SV2B: variants seen among roughly 807,000 people sequenced by gnomAD.
SV2B encodes the protein solute carrier family 22 member B2.
In SV2B, 41 loss-of-function variants were observed where a neutral mutation model predicts 73.9. The ratio of observed to expected loss-of-function variants is 0.56; its 90% CI spans 0.43 to 0.72. The LOEUF (loss-of-function observed/expected upper bound fraction) is 0.72, where lower values mean the gene tolerates loss of function less well. SV2B is among the 30% of genes least tolerant of loss of function. The probability of loss-of-function intolerance (pLI) is 0.00; values close to 1 mark genes in which losing one functional copy is unlikely to be tolerated. For synonymous variants in SV2B, 314 were observed against 314.2 expected (o/e 1.00, Z 0.01); for missense variants, 764 against 857.8 (o/e 0.89, Z 1.37).
chr15:91,145,035 C>T (rs1489016954), intron 1 of SV2B, among the ~76,000 whole-genome samples: 2 of 151,834 alleles, frequency 1.3e-5, no homozygotes, highest in Non-Finnish European at 2.9e-5. Context: ...GTCTGTTATA[C>T]AGGTAAACTT....
intron 1 of SV2B, among the ~76,000 whole-genome samples, chr15:91,169,319 C>A (rs2044034141): frequency 6.6e-6 from 1 of 152,164 alleles, no homozygotes. Flanking sequence ...TGGGCTAGGT[C>A]TATTTCACTC....
rs576383449 is a variant in SV2B at position 91,268,181 on chromosome 15, C to T, written c.1209-260C>T. Among the ~76,000 whole-genome samples the T allele has an allele frequency of 2.6e-5, 4 of 152,172 alleles. No homozygotes were observed. Among genetic ancestry groups the T allele is most frequent in the Non-Finnish European group, 5.9e-5 (4 of 68,036 alleles). On this transcript the variant is annotated intron_variant, in intron 8 of 12. Transcript: ENST00000394232. The surrounding 1 kb of genome is among the most constrained non-coding windows in gnomAD (Gnocchi z 4.4). ...TATATTTTACATGTTAAGGAGGTGTCCCTCAACCCCTAATCTATTGGTGTT... is the reference window on the plus strand; with the variant it reads ...TATATTTTACATGTTAAGGAGGTGTTCCTCAACCCCTAATCTATTGGTGTT...
chr15:91,218,066 G>A (rs1019262482), intron 1 of SV2B, among the ~76,000 whole-genome samples: 7 of 152,170 alleles, frequency 4.6e-5, no homozygotes, highest in Non-Finnish European at 1.0e-4. Context: ...TATAATGAAA[G>A]ACAGATTAAC....
chr15:91,134,004 C>CTTTTTTTTTTTTTTTTT lies in SV2B; in HGVS notation c.-392+33653_-392+33654insTTTTTTTTTTTTTTTTT, dbSNP rs10637206. Among the ~76,000 whole-genome samples, 236 of 106,180 alleles carry CTTTTTTTTTTTTTTTTT rather than the reference C, an allele frequency of 2.2e-3. 35 individuals carry two copies. Among genetic ancestry groups the CTTTTTTTTTTTTTTTTT allele is most frequent in the African/African-American group, 8.3e-3 (208 of 25,104 alleles). The allele number at this position is 106,180 out of a possible 152,430, so 69.7% of individuals were successfully genotyped here. A position where few individuals can be genotyped will look rare whatever the true frequency, so the allele number is the denominator to read the frequency against. On this transcript the variant is annotated intron_variant, in intron 1 of 12. Transcript: ENST00000394232. ...TGCCTCTTCACCACTTTCTTTCTTC[C>CTTTTTTTTTTTTTTTTT]TTTTTTTTTTTTGAGATGGAGTCTT... is the stretch of plus-strand genomic sequence containing the variant.
chr15:91,278,426 C>A (rs1297669374), intron 9 of SV2B, among the ~76,000 whole-genome samples: 1 of 151,912 alleles, frequency 6.6e-6, no homozygotes, highest in East Asian at 1.9e-4. Flanking sequence ...GCCTGTAATC[C>A]CAGCACTTTG....
chr15:91,194,927 T>C (rs1170990858), intron 1 of SV2B, among the ~76,000 whole-genome samples: 1 of 152,186 alleles, frequency 6.6e-6, no homozygotes, highest in Non-Finnish European at 1.5e-5. Flanking sequence ...ACATAGTTTG[T>C]CACGTCCTCA....
chr15:91,289,640 C>G lies in SV2B; in HGVS notation c.1828C>G (p.Leu610Val), dbSNP rs372956093. 3 of 1,614,044 alleles carry G rather than the reference C, an allele frequency of 1.9e-6. No homozygotes were observed. Among genetic ancestry groups the G allele is most frequent in the Non-Finnish European group, 2.5e-6 (3 of 1,180,044 alleles). ...CGTSIAAWNALDVITVELYPT... is the reference protein window; with the variant it reads ...CGTSIAAWNAVDVITVELYPT... ...GACAAGCATTGCAGCCTGGAATGCTCTGGATGTGATCACAGTGGAGCTGTA... is the reference window on the plus strand; with the variant it reads ...GACAAGCATTGCAGCCTGGAATGCTGTGGATGTGATCACAGTGGAGCTGTA... Residue 610 changes from leucine (L) to valine (V), a missense_variant, in exon 12 of 13, where the codon CTG (leucine) becomes GTG (valine). Leu to Val is a conservative substitution (Grantham distance 32). Coordinates refer to ENST00000394232, the MANE Select transcript of SV2B (RefSeq NM_001323032.3). The surrounding 1 kb of genome is among the most constrained non-coding windows in gnomAD (Gnocchi z 4.9).
chr15:91,132,158 T>G lies in SV2B; in HGVS notation c.-392+31795T>G, dbSNP rs1000587132. On this transcript the variant is annotated intron_variant, in intron 1 of 12. Coordinates refer to ENST00000394232, the MANE Select transcript of SV2B (RefSeq NM_001323032.3). This position sits in a 1 kb window ranked among gnomAD's most constrained non-coding sequence, Gnocchi z 4.6. ...TATCGAAAATGAAAGTACACTCCAG[T>G]GTGGCCGCAGACCCCAGCAGCGGCT... Among the ~76,000 whole-genome samples, 2 of 152,170 alleles carry G rather than the reference T, an allele frequency of 1.3e-5. No homozygotes were observed. Among genetic ancestry groups the G allele is most frequent in the African/African-American group, 4.8e-5 (2 of 41,456 alleles).
At chr15:91,111,058 C>T (rs951452477) in intron 1 of SV2B, among the ~76,000 whole-genome samples, 4 of 151,766 alleles carry the variant, frequency 2.6e-5, no homozygotes, top group Non-Finnish European at 5.9e-5. Context: ...TTTTTGGTGG[C>T]GCCGCCCACG....
rs2049089258 is a variant in SV2B, at chr15:91,292,723, C to G, written c.*171C>G. The G allele has an allele frequency of 1.3e-6, 1 of 777,904 alleles. No homozygotes were observed. Among genetic ancestry groups the G allele is most frequent in the Non-Finnish European group, 1.9e-6 (1 of 522,890 alleles). The allele number at this position is 777,904 out of a possible 1,614,324, so 48.2% of individuals were successfully genotyped here. A position where few individuals can be genotyped will look rare whatever the true frequency, so the allele number is the denominator to read the frequency against. ...TTCAGCTGTCAATATGTTTGTAACT[C>G]AGGTGACTGATTTGGGGGTGCCCTG... On this transcript the variant is annotated 3_prime_UTR_variant, in exon 13 of 13. Coordinates refer to ENST00000394232, the MANE Select transcript of SV2B (RefSeq NM_001323032.3).
At chr15:91,279,788 C>T (rs924065917) in intron 9 of SV2B, among the ~76,000 whole-genome samples, 1 of 152,180 alleles carries the variant, frequency 6.6e-6, no homozygotes, top group African/African-American at 2.4e-5. Flanking sequence ...GCAACAGTCT[C>T]CAGGAATAGC....
intron 1 of SV2B, among the ~76,000 whole-genome samples, chr15:91,144,435 T>C (rs1396676298): frequency 1.3e-5 from 2 of 152,148 alleles, no homozygotes. Flanking sequence ...AAAAAAGCAT[T>C]TGCTTATTCT....
chr15:91,280,048 G>A lies in SV2B; in HGVS notation c.1374-1680G>A, dbSNP rs1309211345. Among the ~76,000 whole-genome samples, 1 of 152,186 alleles carries A rather than the reference G, an allele frequency of 6.6e-6. No homozygotes were observed. Among genetic ancestry groups the A allele is most frequent in the East Asian group, 1.9e-4 (1 of 5,196 alleles). Reference sequence around the variant, plus strand: ...CTGGTCTCTGCCATTGGTGATTCTGGTTCAAGAGGTGTAGGCTGGAATTTA... The same window carrying A: ...CTGGTCTCTGCCATTGGTGATTCTGATTCAAGAGGTGTAGGCTGGAATTTA... On this transcript the variant is annotated intron_variant, in intron 9 of 12. Coordinates refer to ENST00000394232, the MANE Select transcript of SV2B (RefSeq NM_001323032.3). This position sits in a 1 kb window ranked among gnomAD's most constrained non-coding sequence, Gnocchi z 5.8.
chr15:91,121,485 A>G lies in SV2B; in HGVS notation c.-392+21122A>G, dbSNP rs549554299. On this transcript the variant is annotated intron_variant, in intron 1 of 12. Coordinates refer to ENST00000394232, the MANE Select transcript of SV2B (RefSeq NM_001323032.3). The surrounding 1 kb of genome is among the most constrained non-coding windows in gnomAD (Gnocchi z 4.4). ...CTTTATTTTCCCATAATTCTTGGGT[A>G]GAATCTTGCTTCTTTTTCTTTCATG... is the stretch of plus-strand genomic sequence containing the variant. Among the ~76,000 whole-genome samples the G allele has an allele frequency of 6.6e-6, 1 of 152,288 alleles. No homozygotes were observed. Among genetic ancestry groups the G allele is most frequent in the East Asian group, 1.9e-4 (1 of 5,186 alleles).
intron 1 of SV2B, among the ~76,000 whole-genome samples, chr15:91,151,962 A>T (rs2043325204): frequency 6.6e-6 from 1 of 152,168 alleles, no homozygotes; most frequent in Non-Finnish European, 1.5e-5. Context: ...CCTTGGTAGA[A>T]ATATCATTTC....
intron 1 of SV2B, among the ~76,000 whole-genome samples, chr15:91,125,780 G>GAAAAAAAAAAA (rs2042459772): frequency 2.5e-5 from 1 of 40,560 alleles, no homozygotes; most frequent in Non-Finnish European, 6.8e-5. Context: ...GTCTCAAGGG[G>GAAAAAAAAAAA]CAAAAAAAAA....
rs1019783574 is a variant in SV2B, at chr15:91,211,881, T to G, written c.-391-13992T>G. On this transcript the variant is annotated intron_variant, in intron 1 of 12. Coordinates refer to ENST00000394232, the MANE Select transcript of SV2B (RefSeq NM_001323032.3). ...GTCTCGAACTCCTGGCCTCTAGAGA[T>G]CCTCCCGCATCAGCCTCCCAAAGTG... Among the ~76,000 whole-genome samples, 7 of 147,832 alleles carry G rather than the reference T, an allele frequency of 4.7e-5. No individual in the cohort carries two copies. In the East Asian group the frequency reaches 1.4e-3, roughly 30 times the overall value.
rs187631097 is a variant in SV2B at position 91,240,799 on chromosome 15, C to T, written c.452-11020C>T. 2.4e-4 allele frequency among the ~76,000 whole-genome samples: 37 copies of T among 152,292 alleles called. No individual in the cohort carries two copies. The highest frequency in any genetic ancestry group is 4.1e-4 in the Non-Finnish European group (28 of 68,022). ...ATGACACTGTACATGCCTCCGTTCC[C>T]CTATGTTTCCCCCTTCTCCTCTGAG... On this transcript the variant is annotated intron_variant, in intron 2 of 12. Coordinates refer to ENST00000394232, the MANE Select transcript of SV2B (RefSeq NM_001323032.3). The surrounding 1 kb of genome is among the most constrained non-coding windows in gnomAD (Gnocchi z 4.6).
chr15:91,177,446 G>A (rs2141299833), intron 1 of SV2B, among the ~76,000 whole-genome samples: 2 of 151,804 alleles, frequency 1.3e-5, no homozygotes, highest in East Asian at 3.9e-4. Flanking sequence ...TTGGTAGCTT[G>A]ATGGGGATGG....
Sources: allele counts gnomAD v4.1 joint callset (sites outside exome capture counted in the v4.1 genomes callset), GRCh38; gene constraint gnomAD v4.1.1; non-coding constraint Gnocchi (gnomAD v3.1); transcripts MANE v1.5; gene names NCBI Gene and HGNC (gene_info 2026-07-23, HGNC 2026-07-21).